The following FGFR1 variants were observed in gnomAD, a reference collection of about 807,000 sequenced individuals.
The protein encoded by FGFR1 is fibroblast growth factor receptor 1.
FGFR1 carries 18 observed loss-of-function variants against 93.7 expected under a neutral mutation model. That is an observed-to-expected ratio of 0.19 (90% confidence interval 0.13 to 0.28). The LOEUF is 0.28. Ranked by LOEUF, FGFR1 falls within the 10% of genes least tolerant of loss-of-function variation. The pLI is 1.00. For synonymous variants in FGFR1, 448 were observed against 429.3 expected (o/e 1.04, Z -0.54); for missense variants, 731 against 1,080.4 (o/e 0.68, Z 4.53).
intron 1 of FGFR1, chr8:38,465,506 C>T (rs2151476230): frequency 4.3e-6 from 1 of 230,370 alleles, no homozygotes; most frequent in Non-Finnish European, 8.6e-6. Flanking sequence ...GCCCCAGCAG[C>T]CTCCCGGTCC....
At chr8:38,458,486 A>T (rs1833506277) in intron 1 of FGFR1, among the ~76,000 whole-genome samples, 2 of 152,144 alleles carry the variant, frequency 1.3e-5, no homozygotes, top group Admixed American at 6.5e-5. Flanking sequence ...GGTTGCAGTG[A>T]GCCGAGATCG....
At chr8:38,428,635 G>A (rs1277160294) in intron 3 of FGFR1, 200 bp from the exon 4 acceptor site, 5 of 598,084 alleles carry the variant, frequency 8.4e-6, no homozygotes, top group Non-Finnish European at 1.5e-5. Flanking sequence ...CCGAAGCACT[G>A]CCCCCACTGC....
intron 3 of FGFR1, 70 bp from the exon 4 acceptor site, chr8:38,428,505 T>A: frequency 7.9e-7 from 1 of 1,270,382 alleles, no homozygotes; most frequent in Non-Finnish European, 1.1e-6. Context: ...CTAGTGCAGT[T>A]CCAGATGAAC....
intron 2 of FGFR1, among the ~76,000 whole-genome samples, chr8:38,441,295 T>C (rs962085583): frequency 2.0e-5 from 3 of 152,114 alleles, no homozygotes; most frequent in African/African-American, 7.2e-5. Context: ...TTTTTTCCCC[T>C]AGGGATTTTG....
rs1244412040 is a variant in FGFR1, at chr8:38,424,996, T to C, written c.746-297A>G. 6.6e-6 allele frequency among the ~76,000 whole-genome samples: 1 copy of C among 152,178 alleles called. No homozygotes were observed. On this transcript the variant is annotated intron_variant, in intron 6 of 17. Coordinates refer to ENST00000447712, the MANE Select transcript of FGFR1 (RefSeq NM_023110.3). The surrounding 1 kb of genome is among the most constrained non-coding windows in gnomAD (Gnocchi z 4.3). Reference sequence around the variant, plus strand: ...TGCACCCCCAGACCTCAGCACAACCTGCTCCTCCTTAAAAAACCAGAGTCA... The same window carrying C: ...TGCACCCCCAGACCTCAGCACAACCCGCTCCTCCTTAAAAAACCAGAGTCA...
intron 1 of FGFR1, chr8:38,458,979 C>G: frequency 4.5e-6 from 1 of 222,818 alleles, no homozygotes; most frequent in Middle Eastern, 1.4e-3. Context: ...ACTGCAGAAT[C>G]AAGGTCTATT....
chr8:38,466,337 C>CTA (rs1835492735), intron 1 of FGFR1: 1 of 232,250 alleles, frequency 4.3e-6, no homozygotes, highest in Admixed American at 5.6e-5. Flanking sequence ...GCAGCTCCAG[C>CTA]TATAACACAA....
In FGFR1 at chr8:38,468,163, C is replaced by G. The variant is rs941446663; in HGVS notation, c.-271G>C. ...CGCTCGGTGCTCGGCGCCTCCAGCC[C>G]GGGCGGGAACAATGGAGCCGGAGCT... On this transcript the variant is annotated 5_prime_UTR_variant, in exon 1 of 18. Transcript: ENST00000447712. 8.8e-6 allele frequency: 2 copies of G among 228,096 alleles called. No homozygotes were observed. The highest frequency in any genetic ancestry group is 1.7e-5 in the Non-Finnish European group (2 of 114,664). The allele number at this position is 228,096 out of a possible 1,614,324, so 14.1% of individuals were successfully genotyped here. A position where few individuals can be genotyped will look rare whatever the true frequency, so the allele number is the denominator to read the frequency against.
At chr8:38,425,360 C>G (rs777176153) in intron 6 of FGFR1, among the ~76,000 whole-genome samples, 29 of 152,120 alleles carry the variant, frequency 1.9e-4, no homozygotes, top group Non-Finnish European at 4.1e-4. Flanking sequence ...GTTGCCCAGG[C>G]TGGTCTCACA....
At chr8:38,465,221 C>T (rs1835247400) in intron 1 of FGFR1, among the ~76,000 whole-genome samples, 1 of 152,244 alleles carries the variant, frequency 6.6e-6, no homozygotes, top group South Asian at 2.1e-4. Flanking sequence ...GTCTAACACC[C>T]TCCATGGCCA....
rs576807361 is a variant in FGFR1, at chr8:38,429,224, C to T, written c.358+458G>A. 1.1e-5 allele frequency: 5 copies of T among 460,970 alleles called. No individual in the cohort carries two copies. Among genetic ancestry groups the T allele is most frequent in the Middle Eastern group, 4.9e-4 (1 of 2,032 alleles). The allele number at this position is 460,970 out of a possible 1,614,324, so 28.6% of individuals were successfully genotyped here. ...AGCTCCAGGGCTCCCTGGCTGCCCT[C>T]GCACAGCTCCCTTGCGGTGCACCTG... On this transcript the variant is annotated intron_variant, in intron 3 of 17. Coordinates refer to ENST00000447712, the MANE Select transcript of FGFR1 (RefSeq NM_023110.3). The surrounding 1 kb of genome is among the most constrained non-coding windows in gnomAD (Gnocchi z 4.4).
At position 38,424,760 on chromosome 8, in the gene FGFR1, G is replaced by T. The variant is rs1041016226; in HGVS notation, c.746-61C>A. The T allele has an allele frequency of 8.3e-6, 13 of 1,558,490 alleles. No individual in the cohort carries two copies. Among genetic ancestry groups the T allele is most frequent in the Non-Finnish European group, 1.1e-5 (13 of 1,141,522 alleles). On this transcript the variant is annotated intron_variant, in intron 6 of 17. Transcript: ENST00000447712. This position sits in a 1 kb window ranked among gnomAD's most constrained non-coding sequence, Gnocchi z 4.3. ...GACCTTGCCATGGCTAAAGAGGGGTGGGCTCACCTGCGCCCCACTTGGCTT... is the reference window on the plus strand; with the variant it reads ...GACCTTGCCATGGCTAAAGAGGGGTTGGCTCACCTGCGCCCCACTTGGCTT...
At chr8:38,432,640 C>T (rs1045691206) in intron 2 of FGFR1, among the ~76,000 whole-genome samples, 33 of 152,078 alleles carry the variant, frequency 2.2e-4, no homozygotes, top group African/African-American at 6.3e-4. Flanking sequence ...CTCCTGACCT[C>T]GTGATCTGCC....
chr8:38,453,167 T>C (rs891613748), intron 2 of FGFR1, among the ~76,000 whole-genome samples: 2 of 152,206 alleles, frequency 1.3e-5, no homozygotes, highest in East Asian at 1.9e-4. Context: ...AGACAGGCTA[T>C]GTGAAAGCAC....
At chr8:38,432,904 C>CCA (rs1823729788) in intron 2 of FGFR1, among the ~76,000 whole-genome samples, 1 of 126,208 alleles carries the variant, frequency 7.9e-6, no homozygotes, top group Non-Finnish European at 1.8e-5. Flanking sequence ...TCCCTCCCCA[C>CCA]CGCGCCCCCC....
chr8:38,447,138 CACA>C (rs1563587251), intron 2 of FGFR1, among the ~76,000 whole-genome samples: 24 of 148,890 alleles, frequency 1.6e-4, no homozygotes, highest in Admixed American at 1.6e-3. Flanking sequence ...CACACACACA[CACA>C]CACACACACA....
rs1029299656 is a variant in FGFR1 at position 38,460,270 on chromosome 8, G to A, written c.-88-2736C>T. ...TGCATGGGGCACATTCCCAGAGCTG[G>A]GATAGAAGCAGTGCTTGCCAGAGGA... On this transcript the variant is annotated intron_variant, in intron 1 of 17. Coordinates refer to ENST00000447712, the MANE Select transcript of FGFR1 (RefSeq NM_023110.3). 2.8e-4 allele frequency among the ~76,000 whole-genome samples: 43 copies of A among 152,132 alleles called. 1 individual carries two copies. The highest frequency in any genetic ancestry group is 1.0e-3 in the African/African-American group (42 of 41,420).
rs1000782118 is a variant in FGFR1 at position 38,424,640 on chromosome 8, G to A, written c.805C>T (p.Leu269=). ...AGLPANKTVA[L]GSNVEFMCKV... is the part of the protein sequence containing the mutation. Reference sequence around the variant, plus strand: ...CACATGAACTCCACGTTGCTACCCAGGGCCACTGTTTTGTTGGCGGGCAAC... The same window carrying A: ...CACATGAACTCCACGTTGCTACCCAAGGCCACTGTTTTGTTGGCGGGCAAC... Residue 269 remains leucine (L), a synonymous_variant, in exon 7 of 18, where the codon CTG becomes TTG. Transcript: ENST00000447712. This position sits in a 1 kb window ranked among gnomAD's most constrained non-coding sequence, Gnocchi z 4.3. 2 of 1,613,090 alleles carry A rather than the reference G, an allele frequency of 1.2e-6. No individual in the cohort carries two copies. The highest frequency in any genetic ancestry group is 1.7e-5 in the Admixed American group (1 of 59,996).
rs758633845 is a variant in FGFR1 at position 38,434,324 on chromosome 8, TGCTGC to T, written c.92-4381_92-4377del. 5 of 184,900 alleles carry T rather than the reference TGCTGC, an allele frequency of 2.7e-5. No homozygotes were observed. In the South Asian group the frequency reaches 3.2e-4, roughly 12 times the overall value. The allele number at this position is 184,900 out of a possible 1,614,324, so 11.5% of individuals were successfully genotyped here. A position where few individuals can be genotyped will look rare whatever the true frequency, so the allele number is the denominator to read the frequency against. On this transcript the variant is annotated intron_variant, in intron 2 of 17. Coordinates refer to ENST00000447712, the MANE Select transcript of FGFR1 (RefSeq NM_023110.3). ...AGCCGCTGCGCTCAACCCATATTGC[TGCTGC>T]TTTTTTTTTTTTTTTTTATAACAAC...
Sources: gnomAD v4.1 joint callset for allele counts (sites outside exome capture counted in the v4.1 genomes callset) on GRCh38, gnomAD v4.1.1 for gene constraint, Gnocchi (gnomAD v3.1) non-coding constraint, MANE v1.5 for transcripts, NCBI Gene and HGNC (gene_info 2026-07-23, HGNC 2026-07-21) for gene names.